The following SPON1 variants were observed in gnomAD, a reference collection of about 807,000 sequenced individuals.
The protein encoded by SPON1 is spondin-1.
In SPON1, 52 loss-of-function variants were observed where a neutral mutation model predicts 111.7. The ratio of observed to expected loss-of-function variants is 0.47; its 90% CI spans 0.37 to 0.59. SPON1 has a LOEUF of 0.59. Among genes scored for constraint, SPON1 ranks in the 20% least tolerant of loss-of-function variants. SPON1 has a pLI of 0.00. For synonymous variants in SPON1, 410 were observed against 395.8 expected, an observed-to-expected ratio of 1.04 and a Z score of -0.43; for missense variants, 957 against 1,068.5, an observed-to-expected ratio of 0.90 and a Z score of 1.46.
chr11:14,145,589 A>G (rs1847707646), intron 6 of SPON1, among the ~76,000 whole-genome samples: 1 of 152,146 alleles, frequency 6.6e-6, no homozygotes, highest in East Asian at 1.9e-4. Context: ...CATCTGAACC[A>G]TTTTTAAGTG....
At chr11:14,105,173 G>A (rs187297576) in intron 5 of SPON1, among the ~76,000 whole-genome samples, 102 of 152,028 alleles carry the variant, frequency 6.7e-4, no homozygotes, top group African/African-American at 2.2e-3. Flanking sequence ...AATCTTCAAT[G>A]TTTTATTCTT....
chr11:14,156,361 T>C (rs1847846732), intron 6 of SPON1, among the ~76,000 whole-genome samples: 1 of 131,326 alleles, frequency 7.6e-6, no homozygotes, highest in African/African-American at 2.7e-5. Context: ...TTCTTGTAAC[T>C]TTGTTTGAGT....
chr11:14,038,465 T>G (rs1848610427), intron 2 of SPON1, among the ~76,000 whole-genome samples: 1 of 151,646 alleles, frequency 6.6e-6, no homozygotes, highest in South Asian at 2.1e-4. Context: ...TGAGACTCCA[T>G]CTCAAAAAAA....
intron 6 of SPON1, among the ~76,000 whole-genome samples, chr11:14,193,854 A>G (rs1848373093): frequency 6.6e-6 from 1 of 152,186 alleles, no homozygotes; most frequent in Non-Finnish European, 1.5e-5. Flanking sequence ...CAGCCATTAC[A>G]GAGGATTCCC....
intron 5 of SPON1, among the ~76,000 whole-genome samples, chr11:14,115,146 A>T (rs1157407216): frequency 6.6e-6 from 1 of 152,190 alleles, no homozygotes; most frequent in Non-Finnish European, 1.5e-5. Context: ...TTATGGGAGA[A>T]GGAAACTTTC....
intron 8 of SPON1, 28 bp from the exon 9 acceptor site, chr11:14,255,619 C>T (rs924004494): frequency 6.2e-7 from 1 of 1,603,384 alleles, no homozygotes; most frequent in Non-Finnish European, 8.5e-7. Flanking sequence ...TTATTTCTTA[C>T]TCTCTACCTC....
intron 1 of SPON1, among the ~76,000 whole-genome samples, chr11:13,976,477 T>C (rs146173089): frequency 7.2e-5 from 11 of 152,276 alleles, no homozygotes; most frequent in African/African-American, 2.6e-4. Context: ...TCATCACCAG[T>C]GATAATTATG....
rs1554942571 is a variant in SPON1 at position 14,267,116 on chromosome 11, T to C, written c.*1429T>C. On this transcript the variant is annotated 3_prime_UTR_variant, in exon 16 of 16. Transcript: ENST00000576479. ...GCTCTGAATACACTACGAATTTGTATTAAACACATCAGAATATTTCCAAAT... is the reference window on the plus strand; with the variant it reads ...GCTCTGAATACACTACGAATTTGTACTAAACACATCAGAATATTTCCAAAT... 6.6e-6 allele frequency: 1 copy of C among 152,234 alleles called. No homozygotes were observed. Among genetic ancestry groups the C allele is most frequent in the Non-Finnish European group, 1.5e-5 (1 of 68,044 alleles). The allele number at this position is 152,234 out of a possible 1,614,324, so 9.4% of individuals were successfully genotyped here. A position where few individuals can be genotyped will look rare whatever the true frequency, so the allele number is the denominator to read the frequency against.
Position 14,265,569 on chromosome 11 carries a change from T to A in SPON1, c.2306T>A (p.Leu769Gln). The change falls in exon 16 of 16, where the codon CTG (leucine) becomes CAG (glutamine). Residue 769 changes from leucine to glutamine, a missense_variant. This residue lies in a region of SPON1 where 549 missense variants were observed against 606.2 expected (regional missense o/e 0.91). Transcript: ENST00000576479. Reference sequence around the variant, plus strand: ...ACGGCCTGGTCAGAATGCACCAAACTGTGCGGAGGTGGAATTCAGGAACGT... The same window carrying A: ...ACGGCCTGGTCAGAATGCACCAAACAGTGCGGAGGTGGAATTCAGGAACGT... ...PWTAWSECTK[L>Q]CGGGIQERYM... 6.2e-7 allele frequency: 1 copy of A among 1,613,708 alleles called. No individual in the cohort carries two copies. Among genetic ancestry groups the A allele is most frequent in the Non-Finnish European group, 8.5e-7 (1 of 1,179,812 alleles).
chr11:14,190,452 A>G (rs1385196691), intron 6 of SPON1, among the ~76,000 whole-genome samples: 2 of 149,434 alleles, frequency 1.3e-5, no homozygotes, highest in Non-Finnish European at 3.0e-5. Flanking sequence ...TGCCTCTTCT[A>G]TCTTCCTTCT....
chr11:14,040,745 T>C (rs1031215384), intron 2 of SPON1, among the ~76,000 whole-genome samples: 3 of 152,156 alleles, frequency 2.0e-5, no homozygotes, highest in Admixed American at 6.5e-5. Flanking sequence ...CTAGTAATGC[T>C]ATCAACACTA....
At chr11:14,203,500 C>T (rs890133904) in intron 6 of SPON1, among the ~76,000 whole-genome samples, 2 of 152,216 alleles carry the variant, frequency 1.3e-5, no homozygotes, top group African/African-American at 4.8e-5. Context: ...AGACGATTAT[C>T]GTACATCAAG....
rs981986009 is a variant in SPON1, at chr11:14,262,824, T to A, written c.2109T>A (p.Gly703=). ...RMIQMEPQFG[G]APCPETVQRK... Reference sequence around the variant, plus strand: ...TCCAAATGGAGCCTCAGTTTGGAGGTGCACCCTGCCCAGAGACTGTGCAGC... The same window carrying A: ...TCCAAATGGAGCCTCAGTTTGGAGGAGCACCCTGCCCAGAGACTGTGCAGC... The change falls in exon 15 of 16, where the codon GGT becomes GGA. Residue 703 remains glycine, a synonymous_variant. Coordinates refer to ENST00000576479, the MANE Select transcript of SPON1 (RefSeq NM_006108.4). 4 of 1,613,784 alleles carry A rather than the reference T, an allele frequency of 2.5e-6. No homozygotes were observed. The highest frequency in any genetic ancestry group is 3.3e-4 in the Middle Eastern group (2 of 6,062).
intron 2 of SPON1, among the ~76,000 whole-genome samples, chr11:13,994,395 A>G (rs905743294): frequency 2.0e-5 from 3 of 152,158 alleles, no homozygotes; most frequent in African/African-American, 7.2e-5. Flanking sequence ...GGATATGGAC[A>G]TTTTTTATGG....
At chr11:14,201,390 T>C (rs1591409211) in intron 6 of SPON1, among the ~76,000 whole-genome samples, 2 of 151,768 alleles carry the variant, frequency 1.3e-5, no homozygotes, top group South Asian at 4.2e-4. Context: ...TTCATAGCAT[T>C]AGTTTGATTT....
intron 6 of SPON1, among the ~76,000 whole-genome samples, chr11:14,141,838 T>A (rs1847660170): frequency 6.6e-6 from 1 of 152,218 alleles, no homozygotes; most frequent in Middle Eastern, 3.2e-3. Context: ...TCAAGTGTTC[T>A]CTATGATTCA....
chr11:14,175,130 G>A (rs1019772467), intron 6 of SPON1, among the ~76,000 whole-genome samples: 2 of 152,010 alleles, frequency 1.3e-5, no homozygotes, highest in South Asian at 2.1e-4. Flanking sequence ...TTGAACCTAG[G>A]CCACCACTGT....
chr11:14,236,682 G>C (rs1848871152), intron 6 of SPON1, among the ~76,000 whole-genome samples: 1 of 152,230 alleles, frequency 6.6e-6, no homozygotes, highest in Non-Finnish European at 1.5e-5. Flanking sequence ...AAAGTGAATA[G>C]GAGTCAGCGA....
At chr11:14,248,326 G>A (rs782254473) in intron 7 of SPON1, among the ~76,000 whole-genome samples, 4 of 152,118 alleles carry the variant, frequency 2.6e-5, no homozygotes, top group Admixed American at 6.5e-5. Context: ...TATGAAAGAA[G>A]AGAACCTGGC....
Sources: allele counts gnomAD v4.1 joint callset (sites outside exome capture counted in the v4.1 genomes callset), GRCh38; gene constraint gnomAD v4.1.1; regional missense constraint gnomAD v4.1.1; transcripts MANE v1.5; gene names NCBI Gene and HGNC (gene_info 2026-07-23, HGNC 2026-07-21).